The following ADAMTS19 variants were observed in gnomAD, a reference collection of about 807,000 sequenced individuals.
ADAMTS19 encodes A disintegrin and metalloproteinase with thrombospondin motifs 19.
ADAMTS19 carries 93 observed loss-of-function variants against 153.3 expected under a neutral mutation model. The ratio of observed to expected loss-of-function variants is 0.61; its 90% CI spans 0.51 to 0.72. The LOEUF is 0.72. Among genes scored for constraint, ADAMTS19 ranks in the 30% least tolerant of loss-of-function variants. ADAMTS19 has a pLI of 0.00. For missense variants in ADAMTS19, 1,482 were observed against 1,552.1 expected, an observed-to-expected ratio of 0.95 and a Z score of 0.76; for synonymous variants, 600 against 556.6, an observed-to-expected ratio of 1.08 and a Z score of -1.10.
At chr5:129,633,492 C>T (rs1752399797) in intron 10 of ADAMTS19, among the ~76,000 whole-genome samples, 1 of 152,130 alleles carries the variant, frequency 6.6e-6, no homozygotes, top group African/African-American at 2.4e-5. Flanking sequence ...TAAAGTTTTA[C>T]TGGAACACAG....
chr5:129,524,892 T>A (rs1171649584), intron 3 of ADAMTS19, among the ~76,000 whole-genome samples: 2 of 152,136 alleles, frequency 1.3e-5, no homozygotes, highest in African/African-American at 4.8e-5. Flanking sequence ...TCCCAGGCTT[T>A]GATGTGTCTT....
At chr5:129,491,750 CAT>C (rs1750777704) in intron 2 of ADAMTS19, among the ~76,000 whole-genome samples, 1 of 152,128 alleles carries the variant, frequency 6.6e-6, no homozygotes, top group South Asian at 2.1e-4. Flanking sequence ...TCTCCAAAGT[CAT>C]AATCAAATCT....
chr5:129,569,690 G>A (rs150019918), intron 7 of ADAMTS19, among the ~76,000 whole-genome samples: 67 of 152,162 alleles, frequency 4.4e-4, no homozygotes, highest in African/African-American at 1.4e-3. Context: ...TTCTCTAAAT[G>A]TTTGGAAAAT....
chr5:129,643,723 AG>A (rs1752931648), intron 11 of ADAMTS19, among the ~76,000 whole-genome samples: 1 of 152,230 alleles, frequency 6.6e-6, no homozygotes, highest in Non-Finnish European at 1.5e-5. Context: ...AATTGTTTAC[AG>A]ACTGTGCCAA....
At chr5:129,575,423 A>G (rs1754066276) in intron 7 of ADAMTS19, among the ~76,000 whole-genome samples, 1 of 151,988 alleles carries the variant, frequency 6.6e-6, no homozygotes, top group African/African-American at 2.4e-5. Flanking sequence ...ACACTTTTAA[A>G]TTTTTCCAGC....
At chr5:129,608,697 G>A (rs559877265) in intron 8 of ADAMTS19, among the ~76,000 whole-genome samples, 11 of 152,010 alleles carry the variant, frequency 7.2e-5, no homozygotes, top group Admixed American at 2.0e-4. Flanking sequence ...CAAGTCAGGC[G>A]GATCACTTGA....
chr5:129,652,868 G>C (rs1753376695), intron 13 of ADAMTS19, among the ~76,000 whole-genome samples: 1 of 152,130 alleles, frequency 6.6e-6, no homozygotes, highest in Admixed American at 6.6e-5. Flanking sequence ...CTGTTTTTAA[G>C]TTCAAAGATA....
At chr5:129,482,206 T>G (rs1750437490) in intron 2 of ADAMTS19, among the ~76,000 whole-genome samples, 1 of 152,196 alleles carries the variant, frequency 6.6e-6, no homozygotes, top group Non-Finnish European at 1.5e-5. Context: ...TGTCCATCTG[T>G]GCTCTCCCCC....
chr5:129,677,470 C>T (rs997173687), intron 16 of ADAMTS19, among the ~76,000 whole-genome samples: 32 of 143,134 alleles, frequency 2.2e-4, no homozygotes, highest in African/African-American at 8.3e-4. Context: ...GAGTGAGACT[C>T]CGTCTCAAAA....
chr5:129,491,379 T>C (rs1322473958), intron 2 of ADAMTS19, among the ~76,000 whole-genome samples: 13 of 152,150 alleles, frequency 8.5e-5, no homozygotes. Flanking sequence ...TCTAATTAAT[T>C]GTCTAATTTT....
Position 129,737,703 on chromosome 5 carries a change from T to C in ADAMTS19, c.*485T>C, listed in dbSNP as rs981552495. 5 of 152,588 alleles carry C rather than the reference T, an allele frequency of 3.3e-5. No individual in the cohort carries two copies. The highest frequency in any genetic ancestry group is 6.6e-5 in the Admixed American group (1 of 15,250). The allele number at this position is 152,588 out of a possible 1,614,324, so 9.5% of individuals were successfully genotyped here. ...AGATGTGTAAACATAATGAACCTCA[T>C]GCTGTTGAACAGGTTTTTAGAGAAT... is the stretch of plus-strand genomic sequence containing the variant. On this transcript the variant is annotated 3_prime_UTR_variant, in exon 23 of 23. Coordinates refer to ENST00000274487, the MANE Select transcript of ADAMTS19 (RefSeq NM_133638.6).
intron 16 of ADAMTS19, among the ~76,000 whole-genome samples, chr5:129,671,120 T>A (rs1422674268): frequency 6.6e-6 from 1 of 152,134 alleles, no homozygotes; most frequent in African/African-American, 2.4e-5. Context: ...CAGAAAAAAA[T>A]AATTCACCTC....
chr5:129,617,580 A>G (rs1225292928), intron 8 of ADAMTS19, among the ~76,000 whole-genome samples: 1 of 152,066 alleles, frequency 6.6e-6, no homozygotes. Flanking sequence ...GGAAGAGTCA[A>G]GCACGTTCCA....
At chr5:129,468,196 C>A (rs563472476) in intron 2 of ADAMTS19, among the ~76,000 whole-genome samples, 3 of 152,122 alleles carry the variant, frequency 2.0e-5, no homozygotes, top group Non-Finnish European at 2.9e-5. Context: ...ATTGGTAATT[C>A]GGAGAGAGAT....
At chr5:129,516,283 T>C (rs1751604270) in intron 3 of ADAMTS19, among the ~76,000 whole-genome samples, 1 of 151,006 alleles carries the variant, frequency 6.6e-6, no homozygotes. Flanking sequence ...TTTCTTTTTT[T>C]TTTTTGTATC....
At chr5:129,578,457 C>A (rs1326749948) in intron 7 of ADAMTS19, among the ~76,000 whole-genome samples, 1 of 150,780 alleles carries the variant, frequency 6.6e-6, no homozygotes, top group Non-Finnish European at 1.5e-5. Flanking sequence ...CACATATACA[C>A]ACATATATAT....
At chr5:129,626,658 G>T (rs1397156055) in intron 10 of ADAMTS19, among the ~76,000 whole-genome samples, 1 of 152,040 alleles carries the variant, frequency 6.6e-6, no homozygotes, top group Non-Finnish European at 1.5e-5. Context: ...CCATGGAAAA[G>T]ATAATTTACA....
intron 11 of ADAMTS19, 151 bp from the exon 12 acceptor site, chr5:129,647,614 A>G: frequency 2.5e-6 from 2 of 812,402 alleles, no homozygotes; most frequent in Non-Finnish European, 3.7e-6. Flanking sequence ...GACAAAAAAC[A>G]AGTGCCAACT....
chr5:129,590,814 T>A lies in ADAMTS19; in HGVS notation c.1373-5745T>A, dbSNP rs182465634. Among the ~76,000 whole-genome samples the A allele has an allele frequency of 1.9e-3, 293 of 152,338 alleles. 1 individual carries two copies. The highest frequency in any genetic ancestry group is 3.7e-3 in the Admixed American group (57 of 15,298). ...ATATTATCTGGGTACCATTCTTATA[T>A]CATTCCATATTTTTTTCTCATTAGT... On this transcript the variant is annotated intron_variant, in intron 7 of 22. Transcript: ENST00000274487.
Sources: gnomAD v4.1 joint callset for allele counts (sites outside exome capture counted in the v4.1 genomes callset) on GRCh38, gnomAD v4.1.1 for gene constraint, MANE v1.5 for transcripts, NCBI Gene and HGNC (gene_info 2026-07-23, HGNC 2026-07-21) for gene names.